Variants in CDH1 observed in about 807,000 individuals in gnomAD.
The protein encoded by CDH1 is cadherin 1, also known as cadherin-1.
Under a neutral mutation model 84.5 loss-of-function variants are expected in CDH1, and 35 were observed. The observed-to-expected ratio is 0.41, with a 90% confidence interval of 0.32 to 0.55. The LOEUF (loss-of-function observed/expected upper bound fraction) is 0.55, where lower values mean the gene tolerates loss of function less well. CDH1 is among the 20% of genes least tolerant of loss of function. The probability of loss-of-function intolerance (pLI) is 0.19; values close to 1 mark genes in which losing one functional copy is unlikely to be tolerated. For missense variants in CDH1, 994 were observed against 1,126.6 expected (o/e 0.88, Z 1.68); for synonymous variants, 417 against 439.0 (o/e 0.95, Z 0.63).
At chr16:68,796,808 C>T (rs563112742) in intron 2 of CDH1, among the ~76,000 whole-genome samples, 32 of 151,806 alleles carry the variant, frequency 2.1e-4, no homozygotes, top group Non-Finnish European at 4.4e-4. Flanking sequence ...CCAAGTAATA[C>T]AAGGATATAT....
Position 68,834,141 on chromosome 16 carries a change from A to G in CDH1, c.*642A>G, listed in dbSNP as rs1425295979. On this transcript the variant is annotated 3_prime_UTR_variant, in exon 16 of 16. Coordinates refer to ENST00000261769, the MANE Select transcript of CDH1 (RefSeq NM_004360.5). ...ATGACTAATTTTTTAAATATTTGAG[A>G]CGGGGTCTCCCTGTGTTACCCAGGC... 2 of 455,364 alleles carry G rather than the reference A, an allele frequency of 4.4e-6. No homozygotes were observed. Among genetic ancestry groups the G allele is most frequent in the African/African-American group, 4.0e-5 (2 of 49,964 alleles). The allele number at this position is 455,364 out of a possible 1,614,324, so 28.2% of individuals were successfully genotyped here. A position where few individuals can be genotyped will look rare whatever the true frequency, so the allele number is the denominator to read the frequency against.
At chr16:68,808,640 C>T (rs368045889) in intron 4 of CDH1, 53 bp from the exon 5 acceptor site, 8 of 1,612,438 alleles carry the variant, frequency 5.0e-6, no homozygotes, top group South Asian at 1.1e-5. Flanking sequence ...AGGGAAAAGA[C>T]CCAGTGTTGG....
Position 68,834,360 on chromosome 16 carries a change from T to C in CDH1, c.*861T>C. 4.3e-6 allele frequency: 2 copies of C among 466,364 alleles called. No individual in the cohort carries two copies. Among genetic ancestry groups the C allele is most frequent in the Non-Finnish European group, 8.4e-6 (2 of 237,546 alleles). The allele number at this position is 466,364 out of a possible 1,614,324, so 28.9% of individuals were successfully genotyped here. A position where few individuals can be genotyped will look rare whatever the true frequency, so the allele number is the denominator to read the frequency against. ...TCACTGTAACCTCAAACTCTGGGGC[T>C]CAAGCAGTTCTCCCACCAGCCTCCT... On this transcript the variant is annotated 3_prime_UTR_variant, in exon 16 of 16. Transcript: ENST00000261769.
At chr16:68,764,597 G>C (rs1473465905) in intron 2 of CDH1, among the ~76,000 whole-genome samples, 1 of 152,076 alleles carries the variant, frequency 6.6e-6, no homozygotes, top group Non-Finnish European at 1.5e-5. Flanking sequence ...AAATAACATA[G>C]AGCCAATCTC....
At position 68,823,472 on chromosome 16, in the gene CDH1, G is replaced by A. The variant is rs2152139379; in HGVS notation, c.2010G>A (p.Met670Ile). 1 of 1,614,052 alleles carries A rather than the reference G, an allele frequency of 6.2e-7. No individual in the cohort carries two copies. The highest frequency in any genetic ancestry group is 2.2e-5 in the East Asian group (1 of 44,878). ...ACTACAAAATCAATCTCAAGCTCAT[G>A]GATAACCAGAATAAAGACCAAGTGA... ...VGDYKINLKLMDNQNKDQVTT... is the reference protein window; with the variant it reads ...VGDYKINLKLIDNQNKDQVTT... Residue 670 changes from methionine (M) to isoleucine (I), a missense_variant, in exon 13 of 16, where the codon ATG (methionine) becomes ATA (isoleucine). By Grantham distance (10) the Met-to-Ile change is conservative. Coordinates refer to ENST00000261769, the MANE Select transcript of CDH1 (RefSeq NM_004360.5).
chr16:68,738,991 A>G (rs531063864), intron 2 of CDH1, among the ~76,000 whole-genome samples: 1 of 108,058 alleles, frequency 9.3e-6, no homozygotes, highest in East Asian at 3.1e-4. Flanking sequence ...TCTGTTGCCC[A>G]AGCTGGAGTG....
chr16:68,803,124 G>C (rs2152127558), intron 3 of CDH1, among the ~76,000 whole-genome samples: 1 of 152,290 alleles, frequency 6.6e-6, no homozygotes. Flanking sequence ...CTTTGGACGT[G>C]TGGAATATGT....
intron 2 of CDH1, among the ~76,000 whole-genome samples, chr16:68,775,317 A>C (rs974791626): frequency 6.6e-6 from 1 of 152,166 alleles, no homozygotes; most frequent in Non-Finnish European, 1.5e-5. Flanking sequence ...TGCCATTATC[A>C]CAACTAAGAA....
intron 10 of CDH1, 126 bp from the exon 11 acceptor site, chr16:68,819,154 C>A (rs1161309225): frequency 2.8e-6 from 3 of 1,069,580 alleles, no homozygotes; most frequent in Non-Finnish European, 4.3e-6. Flanking sequence ...CCGCGACCGG[C>A]CTATTGTTGG....
At chr16:68,767,226 G>T (rs897715801) in intron 2 of CDH1, among the ~76,000 whole-genome samples, 2 of 150,040 alleles carry the variant, frequency 1.3e-5, no homozygotes, top group Admixed American at 1.3e-4. Flanking sequence ...AGACAGTCTC[G>T]CTCTGTTGGC....
intron 2 of CDH1, among the ~76,000 whole-genome samples, chr16:68,752,875 T>C (rs1047301631): frequency 1.3e-5 from 2 of 152,194 alleles, no homozygotes; most frequent in African/African-American, 2.4e-5. Flanking sequence ...TTTCCTATTG[T>C]GTGGGTAACA....
chr16:68,830,988 G>T (rs1326358262), intron 15 of CDH1, among the ~76,000 whole-genome samples: 1 of 151,648 alleles, frequency 6.6e-6, no homozygotes, highest in African/African-American at 2.4e-5. Context: ...CTTGGTTACT[G>T]GAATGATTTT....
intron 2 of CDH1, among the ~76,000 whole-genome samples, chr16:68,792,382 AC>A (rs1408868921): frequency 6.6e-6 from 1 of 152,062 alleles, no homozygotes; most frequent in Non-Finnish European, 1.5e-5. Context: ...GGCATGCGCC[AC>A]CACGCCTGGC....
intron 2 of CDH1, among the ~76,000 whole-genome samples, chr16:68,787,368 G>C (rs9929479): frequency 0.27 from 41,474 of 152,022 alleles, 5,772 homozygotes; most frequent in Middle Eastern, 0.33. Flanking sequence ...TTGCTCATCA[G>C]CATTAAGGGG....
chr16:68,746,412 G>T (rs931323614), intron 2 of CDH1, among the ~76,000 whole-genome samples: 2 of 152,112 alleles, frequency 1.3e-5, no homozygotes, highest in African/African-American at 4.8e-5. Context: ...GCAACAGAGC[G>T]AGACTCCATC....
intron 10 of CDH1, among the ~76,000 whole-genome samples, chr16:68,818,566 C>T (rs566699752): frequency 7.3e-6 from 1 of 137,570 alleles, no homozygotes; most frequent in African/African-American, 2.7e-5. Flanking sequence ...GACGGAGTTT[C>T]GGCCGGGCGC....
intron 13 of CDH1, among the ~76,000 whole-genome samples, chr16:68,826,944 C>A (rs1961336863): frequency 6.6e-6 from 1 of 152,130 alleles, no homozygotes; most frequent in African/African-American, 2.4e-5. Context: ...TCTGAGAAAT[C>A]TTTTCCCCAA....
intron 2 of CDH1, among the ~76,000 whole-genome samples, chr16:68,787,074 CA>C (rs532732043): frequency 2.1e-3 from 325 of 152,320 alleles, no homozygotes; most frequent in African/African-American, 7.4e-3. Context: ...CCAGATTCAG[CA>C]CATTTTGGTG....
chr16:68,779,595 C>T (rs531281697), intron 2 of CDH1, among the ~76,000 whole-genome samples: 2 of 152,330 alleles, frequency 1.3e-5, no homozygotes, highest in South Asian at 4.1e-4. Flanking sequence ...ATGGCTCACA[C>T]CTGTAATCCC....
Sources: allele counts gnomAD v4.1 joint callset (sites outside exome capture counted in the v4.1 genomes callset), GRCh38; gene constraint gnomAD v4.1.1; transcripts MANE v1.5; gene names NCBI Gene and HGNC (gene_info 2026-07-23, HGNC 2026-07-21).